Variants in MLIP observed in about 807,000 individuals in gnomAD.
MLIP encodes the protein muscular LMNA-interacting protein.
In MLIP, 79 loss-of-function variants were observed where a neutral mutation model predicts 84.8. The observed-to-expected ratio is 0.93, with a 90% CI of 0.78 to 1.12. The LOEUF is 1.12. Among genes scored for constraint, MLIP ranks in the 50% most tolerant of loss-of-function variants. The pLI, the probability that MLIP is intolerant of heterozygous loss-of-function variation, is 0.00. For missense variants in MLIP, 1,257 were observed against 1,160.6 expected, an observed-to-expected ratio of 1.08 and a Z score of -1.21; for synonymous variants, 504 against 463.0, an observed-to-expected ratio of 1.09 and a Z score of -1.14.
At chr6:54,242,915 C>T (rs1781832024) in intron 12 of MLIP, among the ~76,000 whole-genome samples, 1 of 152,108 alleles carries the variant, frequency 6.6e-6, no homozygotes, top group Non-Finnish European at 1.5e-5. Context: ...AGTCTAGGAA[C>T]TCAGGAGTCT....
At chr6:54,221,299 G>A (rs9474762) in intron 11 of MLIP, among the ~76,000 whole-genome samples, 9,437 of 151,862 alleles carry the variant, frequency 0.062, 479 homozygotes, top group East Asian at 0.21. Context: ...AAAACATCTC[G>A]TCCAGGAAAT....
chr6:54,060,113 A>G (rs1178439315), intron 1 of MLIP, among the ~76,000 whole-genome samples: 1 of 128,808 alleles, frequency 7.8e-6, no homozygotes, highest in Admixed American at 7.8e-5. Flanking sequence ...GAAATGACAA[A>G]TTACTATGTG....
At chr6:54,097,124 AAG>A (rs1768270754) in intron 1 of MLIP, among the ~76,000 whole-genome samples, 1 of 152,196 alleles carries the variant, frequency 6.6e-6, no homozygotes, top group Non-Finnish European at 1.5e-5. Context: ...GGCTGTGCAA[AAG>A]AGAGAAAACC....
intron 12 of MLIP, among the ~76,000 whole-genome samples, chr6:54,244,558 GT>G (rs1332130700): frequency 6.6e-6 from 1 of 152,158 alleles, no homozygotes; most frequent in Non-Finnish European, 1.5e-5. Context: ...AAGAGAAGTG[GT>G]TTTGCAAAAT....
intron 12 of MLIP, among the ~76,000 whole-genome samples, chr6:54,251,822 TATAA>T (rs1782552129): frequency 1.2e-5 from 1 of 84,864 alleles, no homozygotes; most frequent in African/African-American, 4.7e-5. Flanking sequence ...TAACAGATAA[TATAA>T]ATATATATAT....
intron 1 of MLIP, among the ~76,000 whole-genome samples, chr6:54,094,281 TAA>T (rs5876356): frequency 1.3e-5 from 2 of 148,428 alleles, no homozygotes; most frequent in Non-Finnish European, 3.0e-5. Context: ...TGCTGTAAGA[TAA>T]AAAAAAAAAA....
At chr6:54,069,671 C>T (rs1353682248) in intron 1 of MLIP, among the ~76,000 whole-genome samples, 2 of 98,302 alleles carry the variant, frequency 2.0e-5, no homozygotes, top group Admixed American at 9.5e-5. Context: ...TAAAAAAAGG[C>T]AATATAGACA....
intron 13 of MLIP, chr6:54,261,787 A>G (rs988467269): frequency 6.2e-6 from 6 of 962,598 alleles, no homozygotes; most frequent in Non-Finnish European, 7.4e-6. Flanking sequence ...GGTAAAAATA[A>G]AATTATCAAG....
chr6:54,071,884 T>G (rs1766506463), intron 1 of MLIP, among the ~76,000 whole-genome samples: 1 of 152,216 alleles, frequency 6.6e-6, no homozygotes, highest in Non-Finnish European at 1.5e-5. Context: ...CTGACCTGCT[T>G]CTTCGTAGTT....
rs4712056 is a variant in MLIP at position 54,124,728 on chromosome 6, G to A, written c.508G>A (p.Val170Ile). The A allele has an allele frequency of 0.63, 1,021,112 of 1,613,920 alleles. 325,575 individuals are homozygous for A. Among genetic ancestry groups the A allele is most frequent in the South Asian group, 0.71 (64,271 of 91,074 alleles). Residue 170 changes from valine (V) to isoleucine (I), a missense_variant, in exon 3 of 14, where the codon GTC (valine) becomes ATC (isoleucine). Transcript: ENST00000502396. ...GPPGGIGTAA[V>I]RPKSLAISSS... ...CCCAGGGGGGATTGGCACCGCAGCT[G>A]TCCGGCCCAAGTCTCTAGCTATCTC...
chr6:54,117,411 T>C (rs541927389), intron 1 of MLIP, among the ~76,000 whole-genome samples: 2 of 151,124 alleles, frequency 1.3e-5, no homozygotes, highest in South Asian at 4.2e-4. Flanking sequence ...AGAAGGGGTT[T>C]CACTGTGTTA....
intron 12 of MLIP, among the ~76,000 whole-genome samples, chr6:54,249,836 G>T (rs761096784): frequency 1.5e-4 from 23 of 151,698 alleles, no homozygotes; most frequent in Non-Finnish European, 2.9e-4. Flanking sequence ...CCATTTGCAG[G>T]TTTGTTACAT....
chr6:54,050,348 T>C (rs758471161), intron 1 of MLIP, among the ~76,000 whole-genome samples: 4 of 152,172 alleles, frequency 2.6e-5, no homozygotes, highest in Non-Finnish European at 4.4e-5. Context: ...TAGTATATTA[T>C]CTTCTTGCTT....
At chr6:54,174,476 G>C (rs1776085263) in intron 9 of MLIP, among the ~76,000 whole-genome samples, 1 of 151,926 alleles carries the variant, frequency 6.6e-6, no homozygotes, top group Non-Finnish European at 1.5e-5. Context: ...TTGTAGTTTT[G>C]ATTAGCATTT....
chr6:54,116,673 A>G (rs1413523370), intron 1 of MLIP, among the ~76,000 whole-genome samples: 1 of 152,192 alleles, frequency 6.6e-6, no homozygotes, highest in Admixed American at 6.5e-5. Context: ...TTTAAAGAAG[A>G]ACTAAGAACA....
intron 10 of MLIP, among the ~76,000 whole-genome samples, chr6:54,200,278 C>A (rs1052012616): frequency 2.6e-5 from 4 of 152,094 alleles, no homozygotes; most frequent in Non-Finnish European, 5.9e-5. Flanking sequence ...CAGAGGTTAT[C>A]CTACCATCCA....
intron 5 of MLIP, among the ~76,000 whole-genome samples, chr6:54,151,167 T>G (rs1773403580): frequency 6.6e-6 from 1 of 152,128 alleles, no homozygotes; most frequent in Non-Finnish European, 1.5e-5. Context: ...AGTGAATTTT[T>G]TTTTCTTTAG....
At chr6:54,093,642 C>G (rs1223201974) in intron 1 of MLIP, among the ~76,000 whole-genome samples, 1 of 152,130 alleles carries the variant, frequency 6.6e-6, no homozygotes, top group Non-Finnish European at 1.5e-5. Flanking sequence ...TGATTTATGG[C>G]TAGTCCAGAA....
rs1234576743 is a variant in MLIP at position 54,160,447 on chromosome 6, T to G, written c.2355+15T>G. ...CACCAGTGGAGGTAATAACTTCAGA[T>G]TACCCCTGCTTTTGGTATGCAATTC... is the stretch of plus-strand genomic sequence containing the variant. On this transcript the variant is annotated intron_variant, in intron 6 of 13. Coordinates refer to ENST00000502396, the MANE Select transcript of MLIP (RefSeq NM_001281747.2). 21 of 1,611,944 alleles carry G rather than the reference T, an allele frequency of 1.3e-5. No individual in the cohort carries two copies. Among genetic ancestry groups the G allele is most frequent in the Non-Finnish European group, 1.7e-5 (20 of 1,178,970 alleles).
Sources: allele counts gnomAD v4.1 joint callset (sites outside exome capture counted in the v4.1 genomes callset), GRCh38; gene constraint gnomAD v4.1.1; transcripts MANE v1.5; gene names NCBI Gene and HGNC (gene_info 2026-07-23, HGNC 2026-07-21).